The following LRRC28 variants were observed in gnomAD, a reference collection of about 807,000 sequenced individuals.
LRRC28 encodes leucine-rich repeat-containing protein 28.
In LRRC28, 39 loss-of-function variants were observed where a neutral mutation model predicts 45.7. That is an observed-to-expected ratio of 0.85 (90% CI 0.66 to 1.12). The LOEUF is 1.12. Ranked by LOEUF, LRRC28 falls within the 50% of genes most tolerant of loss-of-function variation. The probability of loss-of-function intolerance (pLI) is 0.00; values close to 1 mark genes in which losing one functional copy is unlikely to be tolerated. For missense variants in LRRC28, 435 were observed against 438.5 expected (o/e 0.99, Z 0.07); for synonymous variants, 206 against 178.8 (o/e 1.15, Z -1.22).
At chr15:99,381,681 T>C in intron 9 of LRRC28, among the ~76,000 whole-genome samples, 1 of 152,236 alleles carries the variant, frequency 6.6e-6, no homozygotes, top group East Asian at 1.9e-4. Flanking sequence ...CTTTGGTCTT[T>C]GATGATGGTG....
At chr15:99,335,443 A>T (rs186707074) in intron 6 of LRRC28, among the ~76,000 whole-genome samples, 175 of 152,352 alleles carry the variant, frequency 1.1e-3, no homozygotes, top group African/African-American at 3.5e-3. Context: ...ACAAATGTAG[A>T]TGATTCTCAA....
At chr15:99,315,649 C>T (rs187839458) in intron 5 of LRRC28, among the ~76,000 whole-genome samples, 1 of 152,074 alleles carries the variant, frequency 6.6e-6, no homozygotes, top group Non-Finnish European at 1.5e-5. Context: ...TTAGCTAATG[C>T]TATTTTATGG....
At chr15:99,318,595 C>G (rs575343785) in intron 5 of LRRC28, among the ~76,000 whole-genome samples, 5 of 151,820 alleles carry the variant, frequency 3.3e-5, no homozygotes. Context: ...TCTGAGAACT[C>G]TAAACAAGAG....
intron 3 of LRRC28, 124 bp downstream of exon 3, chr15:99,276,740 T>G: frequency 1.6e-6 from 1 of 643,744 alleles, no homozygotes; most frequent in Non-Finnish European, 2.4e-6. Flanking sequence ...ATCATGGTAC[T>G]CATGTAGGTA....
chr15:99,308,190 A>G (rs1955257767), intron 5 of LRRC28, among the ~76,000 whole-genome samples: 2 of 152,214 alleles, frequency 1.3e-5, no homozygotes, highest in Admixed American at 1.3e-4. Context: ...CTGGTTATAA[A>G]TAAGAATTCT....
intron 5 of LRRC28, among the ~76,000 whole-genome samples, chr15:99,330,499 C>A (rs1469090618): frequency 6.6e-6 from 1 of 151,898 alleles, no homozygotes; most frequent in Non-Finnish European, 1.5e-5. Flanking sequence ...TTCGTCTTTG[C>A]CTCTTATAGC....
At chr15:99,373,663 C>A (rs1160179681) in intron 9 of LRRC28, among the ~76,000 whole-genome samples, 1 of 152,108 alleles carries the variant, frequency 6.6e-6, no homozygotes, top group African/African-American at 2.4e-5. Context: ...ACCCAGCCAA[C>A]TTTAATTTTT....
chr15:99,288,766 G>A (rs867701379), intron 5 of LRRC28, among the ~76,000 whole-genome samples: 3 of 151,840 alleles, frequency 2.0e-5, no homozygotes, highest in Non-Finnish European at 4.4e-5. Flanking sequence ...TGCAGCCTCC[G>A]CCTCCCGGGT....
chr15:99,283,083 A>G (rs916427334), intron 3 of LRRC28, among the ~76,000 whole-genome samples: 4 of 151,866 alleles, frequency 2.6e-5, no homozygotes, highest in African/African-American at 9.7e-5. Context: ...AGTAGAGACG[A>G]GGTTTCTCCA....
Position 99,387,293 on chromosome 15 carries a change from C to T in LRRC28, c.*1191C>T, listed in dbSNP as rs1056103639. ...GCCGGGATGGTCTCGATCTCCTGAC[C>T]TCGTGATCCGCACGCCTCGGCCTCC... On this transcript the variant is annotated 3_prime_UTR_variant, in exon 10 of 10. Transcript: ENST00000301981. The T allele has an allele frequency of 1.3e-5, 2 of 151,878 alleles. No individual in the cohort carries two copies. Among genetic ancestry groups the T allele is most frequent in the Non-Finnish European group, 2.9e-5 (2 of 67,984 alleles). The allele number at this position is 151,878 out of a possible 1,614,324, so 9.4% of individuals were successfully genotyped here.
chr15:99,290,895 A>T (rs1025464698), intron 5 of LRRC28, among the ~76,000 whole-genome samples: 1 of 152,108 alleles, frequency 6.6e-6, no homozygotes, highest in African/African-American at 2.4e-5. Context: ...TGAGCCCAGG[A>T]TATCAAGGGC....
intron 5 of LRRC28, among the ~76,000 whole-genome samples, chr15:99,297,054 G>A (rs989202116): frequency 1.3e-5 from 2 of 151,748 alleles, no homozygotes; most frequent in Non-Finnish European, 2.9e-5. Context: ...GGTGGTGGGC[G>A]CCTGTAATCC....
In LRRC28 at chr15:99,313,164, G is replaced by A. The variant is rs1432738989; in HGVS notation, c.386-20759G>A. 2.6e-5 allele frequency among the ~76,000 whole-genome samples: 4 copies of A among 152,020 alleles called. No individual in the cohort carries two copies. In the East Asian group the frequency reaches 7.7e-4, roughly 29 times the overall value. ...TAATAACAGACACAATACACTTTAA[G>A]ACAAGAAATATTGGAACTAAACAAG... On this transcript the variant is annotated intron_variant, in intron 5 of 9. Transcript: ENST00000301981.
rs1172732353 is a variant in LRRC28, at chr15:99,296,370, C to T, written c.385+8419C>T. On this transcript the variant is annotated intron_variant, in intron 5 of 9. Transcript: ENST00000301981. ...GCTCTCATTTTGAATCCTCAAAACA[C>T]GCAGTGTGTTATTGTGCCTCCTGTC... Among the ~76,000 whole-genome samples, 3 of 152,192 alleles carry T rather than the reference C, an allele frequency of 2.0e-5. No individual in the cohort carries two copies. In the East Asian group the frequency reaches 5.8e-4, roughly 29 times the overall value.
At position 99,267,396 on chromosome 15, in the gene LRRC28, C is replaced by T. The variant is rs556023144; in HGVS notation, c.169-9180C>T. 2.6e-5 allele frequency among the ~76,000 whole-genome samples: 4 copies of T among 152,308 alleles called. No individual in the cohort carries two copies. In the East Asian group the frequency reaches 7.7e-4, roughly 29 times the overall value. Reference sequence around the variant, plus strand: ...ATACAGCCAAGTGCGGTAGGAGAAACCGGGAGCGGGAATTAAGTTTTGTTA... The same window carrying T: ...ATACAGCCAAGTGCGGTAGGAGAAATCGGGAGCGGGAATTAAGTTTTGTTA... On this transcript the variant is annotated intron_variant, in intron 2 of 9. Transcript: ENST00000301981.
intron 6 of LRRC28, 32 bp downstream of exon 6, chr15:99,334,161 A>G (rs776723830): frequency 1.9e-6 from 3 of 1,610,892 alleles, no homozygotes; most frequent in Non-Finnish European, 2.5e-6. Context: ...AAAGCAGCCA[A>G]AGAATAAGAT....
intron 5 of LRRC28, among the ~76,000 whole-genome samples, chr15:99,302,044 T>C (rs1027298914): frequency 6.7e-6 from 1 of 149,408 alleles, no homozygotes; most frequent in African/African-American, 2.5e-5. Flanking sequence ...TTTTTTTTTT[T>C]GAGACGGAGT....
intron 6 of LRRC28, among the ~76,000 whole-genome samples, chr15:99,338,842 T>C (rs567772330): frequency 1.3e-5 from 2 of 152,348 alleles, no homozygotes; most frequent in South Asian, 4.1e-4. Context: ...GTAATACTGT[T>C]GAAACCATTA....
intron 6 of LRRC28, among the ~76,000 whole-genome samples, chr15:99,337,254 G>A (rs985461903): frequency 6.6e-6 from 1 of 152,248 alleles, no homozygotes; most frequent in Non-Finnish European, 1.5e-5. Flanking sequence ...ATAGAGGGAA[G>A]CCATTCCCAT....
Sources: allele counts gnomAD v4.1 joint callset (sites outside exome capture counted in the v4.1 genomes callset), GRCh38; gene constraint gnomAD v4.1.1; transcripts MANE v1.5; gene names NCBI Gene and HGNC (gene_info 2026-07-23, HGNC 2026-07-21).